CCDC68: variants seen among roughly 807,000 people sequenced by gnomAD.
CCDC68 encodes coiled-coil domain containing 68.
Under a neutral mutation model 47.1 loss-of-function variants are expected in CCDC68, and 45 were observed. That is an observed-to-expected ratio of 0.96 (90% CI 0.75 to 1.23). The LOEUF (loss-of-function observed/expected upper bound fraction) is 1.23, where lower values mean the gene tolerates loss of function less well. Among genes scored for constraint, CCDC68 ranks in the 50% most tolerant of loss-of-function variants. CCDC68 has a pLI of 0.00. For synonymous variants in CCDC68, 131 were observed against 129.5 expected (o/e 1.01, Z -0.08); for missense variants, 353 against 373.6 (o/e 0.94, Z 0.45).
chr18:54,933,895 T>C (rs565195910), intron 7 of CCDC68, among the ~76,000 whole-genome samples: 1 of 152,222 alleles, frequency 6.6e-6, no homozygotes, highest in Non-Finnish European at 1.5e-5. Context: ...TTGGGAAACA[T>C]TTTTAAACAA....
Position 54,942,661 on chromosome 18 carries a change from T to C in CCDC68, c.117+14A>G. The C allele has an allele frequency of 3.5e-6, 5 of 1,428,050 alleles. No homozygotes were observed. The highest frequency in any genetic ancestry group is 4.9e-6 in the Non-Finnish European group (5 of 1,023,338). The allele number at this position is 1,428,050 out of a possible 1,614,324, so 88.5% of individuals were successfully genotyped here. A position where few individuals can be genotyped will look rare whatever the true frequency, so the allele number is the denominator to read the frequency against. On this transcript the variant is annotated intron_variant, in intron 3 of 11. Coordinates refer to ENST00000591504, the MANE Select transcript of CCDC68 (RefSeq NM_025214.3). The stretch of plus-strand genomic sequence containing the variant: ...AAAATCATATCATACTAATGATTTC[T>C]GCTACCCACATACCTTTTTCACATA...
intron 10 of CCDC68, among the ~76,000 whole-genome samples, chr18:54,917,636 T>A (rs986686482): frequency 6.6e-6 from 1 of 152,166 alleles, no homozygotes; most frequent in Admixed American, 6.5e-5. Context: ...ATGCATAGAA[T>A]ATGCACAGAC....
intron 10 of CCDC68, among the ~76,000 whole-genome samples, chr18:54,916,940 G>A (rs1485501258): frequency 6.6e-6 from 1 of 152,194 alleles, no homozygotes; most frequent in Non-Finnish European, 1.5e-5. Flanking sequence ...TTCCCCTACT[G>A]ACACTTCTCT....
intron 1 of CCDC68, among the ~76,000 whole-genome samples, chr18:54,958,974 A>T (rs913792321): frequency 1.3e-5 from 2 of 152,220 alleles, no homozygotes; most frequent in Admixed American, 1.3e-4. Context: ...TTACCGCAGG[A>T]CTTTTCTCCA....
At chr18:54,954,133 G>A (rs1047228202) in intron 1 of CCDC68, among the ~76,000 whole-genome samples, 15 of 149,208 alleles carry the variant, frequency 1.0e-4, no homozygotes, top group Non-Finnish European at 1.8e-4. Flanking sequence ...TCAGCTCACC[G>A]CAACCTCCAC....
At chr18:54,939,432 T>C (rs1486287709) in intron 4 of CCDC68, among the ~76,000 whole-genome samples, 1 of 152,098 alleles carries the variant, frequency 6.6e-6, no homozygotes, top group Non-Finnish European at 1.5e-5. Context: ...TCAGGAGGTC[T>C]GGGGTAGAGC....
chr18:54,901,873 T>G lies in CCDC68; in HGVS notation c.*2485A>C, dbSNP rs1479492603. On this transcript the variant is annotated 3_prime_UTR_variant, in exon 12 of 12. Coordinates refer to ENST00000591504, the MANE Select transcript of CCDC68 (RefSeq NM_025214.3). ...ATATTATTCCCCCTTGTAATCTTGT[T>G]TTTTCACTGAGAAGTGTTTTTTTTT... The G allele has an allele frequency of 6.7e-6, 1 of 149,818 alleles. No homozygotes were observed. Among genetic ancestry groups the G allele is most frequent in the Non-Finnish European group, 1.5e-5 (1 of 67,388 alleles). The allele number at this position is 149,818 out of a possible 1,614,324, so 9.3% of individuals were successfully genotyped here.
At chr18:54,922,998 A>G (rs1292835425) in intron 8 of CCDC68, among the ~76,000 whole-genome samples, 2 of 150,946 alleles carry the variant, frequency 1.3e-5, no homozygotes, top group African/African-American at 4.8e-5. Flanking sequence ...AAAAAAAAAA[A>G]AAAAAAAAAA....
At position 54,950,262 on chromosome 18, in the gene CCDC68, A is replaced by G. The variant is rs547488004; in HGVS notation, c.-102-4785T>C. Among the ~76,000 whole-genome samples, 195 of 152,356 alleles carry G rather than the reference A, an allele frequency of 1.3e-3. 1 individual carries two copies. Among genetic ancestry groups the G allele is most frequent in the African/African-American group, 4.5e-3 (188 of 41,576 alleles). ...TATAGAGCTTGAATATTAGAAACTG[A>G]AAAAGTAAGTCACTACAAAAGTGCC... On this transcript the variant is annotated intron_variant, in intron 1 of 11. Coordinates refer to ENST00000591504, the MANE Select transcript of CCDC68 (RefSeq NM_025214.3).
chr18:54,923,792 A>C (rs914359065), intron 8 of CCDC68, among the ~76,000 whole-genome samples: 9 of 151,908 alleles, frequency 5.9e-5, no homozygotes, highest in Non-Finnish European at 1.2e-4. Context: ...GCTCACTGCA[A>C]CCTCCAGCTC....
chr18:54,934,895 ATT>A lies in CCDC68; in HGVS notation c.523_524del (p.Asn175SerfsTer4). On this transcript the variant is annotated frameshift_variant, in exon 7 of 12. Transcript: ENST00000591504. LOFTEE classifies it high-confidence loss of function. ...QKLKQHVENL[N>X]QVAEKLEEKH... ...TTTCTTCAAGTTTTTCAGCAACTTG[ATT>A]CAGATTTTCAACATGTTGTTTCAAT... The A allele has an allele frequency of 6.2e-7, 1 of 1,602,664 alleles. No homozygotes were observed. The highest frequency in any genetic ancestry group is 8.5e-7 in the Non-Finnish European group (1 of 1,175,042).
At chr18:54,919,078 G>A (rs749330210) in intron 9 of CCDC68, among the ~76,000 whole-genome samples, 193 bp downstream of exon 9, 17 of 152,144 alleles carry the variant, frequency 1.1e-4, no homozygotes, top group Admixed American at 2.0e-4. Flanking sequence ...TCTTCATCGA[G>A]AGCATTACAG....
intron 1 of CCDC68, among the ~76,000 whole-genome samples, chr18:54,950,788 G>GTATATATATATATATATATATATATA (rs759466735): frequency 0.043 from 4,092 of 95,124 alleles, 318 homozygotes; most frequent in Admixed American, 0.059. Context: ...TATCTTCAGT[G>GTATATATATATATATATATATATATA]TATATATATA....
chr18:54,957,227 C>T (rs949090104), intron 1 of CCDC68, among the ~76,000 whole-genome samples: 1 of 152,154 alleles, frequency 6.6e-6, no homozygotes, highest in African/African-American at 2.4e-5. Context: ...TCTTCCCCAA[C>T]CTAAACAAAA....
chr18:54,925,174 G>C (rs1398442416), intron 8 of CCDC68, among the ~76,000 whole-genome samples: 1 of 152,152 alleles, frequency 6.6e-6, no homozygotes, highest in East Asian at 1.9e-4. Context: ...ATTTGAAACT[G>C]AGTCAGTGAT....
Position 54,919,289 on chromosome 18 carries a change from C to T in CCDC68, c.771G>A (p.Leu257=), listed in dbSNP as rs777185556. ...ATCTGACCTCCTGGATGACACTGCG[C>T]AGGTTCTGATGTTGGGAGTGAATCA... ...QFVIHSQHQN[L]RSVIQEMEGL... The change falls in exon 9 of 12, where the codon CTG becomes CTA. Residue 257 remains leucine, a synonymous_variant. Coordinates refer to ENST00000591504, the MANE Select transcript of CCDC68 (RefSeq NM_025214.3). The T allele has an allele frequency of 6.2e-7, 1 of 1,613,570 alleles. No individual in the cohort carries two copies. The highest frequency in any genetic ancestry group is 8.5e-7 in the Non-Finnish European group (1 of 1,179,480).
rs112815691 is a variant in CCDC68 at position 54,921,315 on chromosome 18, C to T, written c.684-1939G>A. ...TCAGGCAATATACCCACGTAACAAA[C>T]CTGCACATGTACTCCCACAGGTAAA... is the stretch of plus-strand genomic sequence containing the variant. On this transcript the variant is annotated intron_variant, in intron 8 of 11. Transcript: ENST00000591504. 5.9e-3 allele frequency among the ~76,000 whole-genome samples: 897 copies of T among 152,220 alleles called. 11 individuals carry two copies. Among genetic ancestry groups the T allele is most frequent in the African/African-American group, 0.02 (849 of 41,522 alleles).
chr18:54,915,920 T>A (rs9965758), intron 10 of CCDC68, among the ~76,000 whole-genome samples: 1 of 152,106 alleles, frequency 6.6e-6, no homozygotes, highest in Non-Finnish European at 1.5e-5. Flanking sequence ...CAGAGTGAGA[T>A]CCTGTCTCAA....
intron 10 of CCDC68, among the ~76,000 whole-genome samples, chr18:54,908,101 A>C (rs1166900185): frequency 6.6e-6 from 1 of 152,244 alleles, no homozygotes; most frequent in Non-Finnish European, 1.5e-5. Context: ...ATTCTGATTT[A>C]GCATCTGAAA....
Sources: gnomAD v4.1 joint callset for allele counts (sites outside exome capture counted in the v4.1 genomes callset) on GRCh38, gnomAD v4.1.1 for gene constraint, MANE v1.5 for transcripts, NCBI Gene and HGNC (gene_info 2026-07-23, HGNC 2026-07-21) for gene names.